Variants in OLA1 observed in about 807,000 individuals in gnomAD.
The protein encoded by OLA1 is obg-like ATPase 1.
In OLA1, 14 loss-of-function variants were observed where a neutral mutation model predicts 48.4. The ratio of observed to expected loss-of-function variants is 0.29; its 90% confidence interval spans 0.19 to 0.45. The LOEUF (loss-of-function observed/expected upper bound fraction) is 0.45. OLA1 is among the 20% of genes least tolerant of loss of function. OLA1 has a pLI of 1.00. For synonymous variants in OLA1, 127 were observed against 150.4 expected (o/e 0.84, Z 1.14); for missense variants, 325 against 467.1 (o/e 0.70, Z 2.80).
intron 5 of OLA1, among the ~76,000 whole-genome samples, chr2:174,133,117 G>A (rs1021293951): frequency 2.0e-5 from 3 of 151,966 alleles, no homozygotes; most frequent in Admixed American, 6.6e-5. Flanking sequence ...CTTTGATATC[G>A]TATACTACAC....
In OLA1 at chr2:174,142,378, A is replaced by AG. The variant is rs571901610; in HGVS notation, c.374-379dup. Among the ~76,000 whole-genome samples the AG allele has an allele frequency of 4.4e-3, 668 of 152,214 alleles. 2 individuals carry two copies. Among genetic ancestry groups the AG allele is most frequent in the African/African-American group, 0.015 (630 of 41,526 alleles). ...TTTCCAAGGGAAACCAGATTTAGGG[A>AG]GGGGGGGTCTGAAATCATCTGGCAG... On this transcript the variant is annotated intron_variant, in intron 4 of 10. Coordinates refer to ENST00000284719, the MANE Select transcript of OLA1 (RefSeq NM_013341.5).
chr2:174,229,199 A>C, intron 3 of OLA1, 109 bp downstream of exon 3: 1 of 1,183,208 alleles, frequency 8.5e-7, no homozygotes, highest in Non-Finnish European at 1.2e-6. Flanking sequence ...ATAATCACCC[A>C]AAACAATAAT....
chr2:174,082,743 C>T (rs1275197946), intron 7 of OLA1, among the ~76,000 whole-genome samples: 1 of 152,024 alleles, frequency 6.6e-6, no homozygotes, highest in Non-Finnish European at 1.5e-5. Flanking sequence ...TTTGGAAAGC[C>T]AAATCAGTTA....
chr2:174,247,231 G>A, intron 1 of OLA1: 1 of 166,106 alleles, frequency 6.0e-6, no homozygotes, highest in Non-Finnish European at 1.3e-5. Context: ...AAATTAGCCG[G>A]CCATCAGGCG....
intron 5 of OLA1, among the ~76,000 whole-genome samples, chr2:174,136,408 T>G (rs1686309819): frequency 6.6e-6 from 1 of 152,220 alleles, no homozygotes. Flanking sequence ...AGCAGTAGAT[T>G]CCATCTCAAG....
At chr2:174,100,198 A>G (rs1049160567) in intron 7 of OLA1, among the ~76,000 whole-genome samples, 1 of 152,250 alleles carries the variant, frequency 6.6e-6, no homozygotes, top group Admixed American at 6.5e-5. Context: ...CATTCATGGT[A>G]AATTGAGAAT....
chr2:174,114,390 T>C (rs1685733593), intron 7 of OLA1, among the ~76,000 whole-genome samples: 2 of 135,446 alleles, frequency 1.5e-5, no homozygotes. Context: ...TCAATTATAT[T>C]AAATGGAGGA....
chr2:174,127,606 TC>T (rs770861054), intron 5 of OLA1, among the ~76,000 whole-genome samples: 17 of 152,108 alleles, frequency 1.1e-4, no homozygotes, highest in Admixed American at 2.0e-4. Context: ...TACATAAAGT[TC>T]CGTTTATGTG....
chr2:174,189,207 T>G (rs951224078), intron 4 of OLA1, among the ~76,000 whole-genome samples: 2 of 151,940 alleles, frequency 1.3e-5, no homozygotes, highest in East Asian at 3.8e-4. Flanking sequence ...GGATTAGAGA[T>G]TTACAAAGAA....
intron 4 of OLA1, among the ~76,000 whole-genome samples, chr2:174,196,866 T>G (rs565397866): frequency 6.6e-6 from 1 of 152,306 alleles, no homozygotes; most frequent in African/African-American, 2.4e-5. Context: ...AAATATAATA[T>G]TCTCAACCTA....
intron 2 of OLA1, among the ~76,000 whole-genome samples, chr2:174,241,635 T>G (rs1435178244): frequency 6.6e-6 from 1 of 152,072 alleles, no homozygotes; most frequent in Non-Finnish European, 1.5e-5. Flanking sequence ...AGAGTAATCG[T>G]TTTTTGTTTT....
At chr2:174,195,995 AG>A (rs1194762745) in intron 4 of OLA1, among the ~76,000 whole-genome samples, 1 of 152,154 alleles carries the variant, frequency 6.6e-6, no homozygotes, top group African/African-American at 2.4e-5. Flanking sequence ...AATTATAACC[AG>A]GATTATTTAA....
chr2:174,246,977 A>G (rs1689139398), intron 1 of OLA1, 162 bp from the exon 2 acceptor site: 1 of 445,186 alleles, frequency 2.2e-6, no homozygotes. Flanking sequence ...CTTTTTTTTC[A>G]GCAAAAATGT....
chr2:174,162,492 T>C (rs1390725203), intron 4 of OLA1, among the ~76,000 whole-genome samples: 6 of 152,232 alleles, frequency 3.9e-5, no homozygotes, highest in African/African-American at 1.2e-4. Context: ...AATAACTGTA[T>C]GCTTATGTGT....
In OLA1 at chr2:174,073,465, G is replaced by T. The variant is rs1056200428; in HGVS notation, c.*1961C>A. ...ATATGTAACAGTTCTTGGAATTCTC[G>T]ACTTTCAGAGAAAATGAAATTTTGT... is the stretch of plus-strand genomic sequence containing the variant. On this transcript the variant is annotated 3_prime_UTR_variant, in exon 11 of 11. Transcript: ENST00000284719. 1 of 152,102 alleles carries T rather than the reference G, an allele frequency of 6.6e-6. No individual in the cohort carries two copies. The highest frequency in any genetic ancestry group is 1.5e-5 in the Non-Finnish European group (1 of 68,020). The allele number at this position is 152,102 out of a possible 1,614,324, so 9.4% of individuals were successfully genotyped here.
At chr2:174,222,181 A>G (rs1204129360) in intron 4 of OLA1, among the ~76,000 whole-genome samples, 1 of 152,206 alleles carries the variant, frequency 6.6e-6, no homozygotes, top group Non-Finnish European at 1.5e-5. Context: ...CAAACCACAG[A>G]GGTAAATGGT....
At chr2:174,101,167 T>C (rs1365963449) in intron 7 of OLA1, among the ~76,000 whole-genome samples, 1 of 152,218 alleles carries the variant, frequency 6.6e-6, no homozygotes, top group African/African-American at 2.4e-5. Context: ...TTTGTTCCCC[T>C]TCCTTATCCA....
rs182055036 is a variant in OLA1 at position 174,081,168 on chromosome 2, C to T, written c.950G>A (p.Arg317His). ...GAATCTTACCCTGATGGTCCATGCACGCACTTCATCTGGGCCTGCAGTGAA... is the reference window on the plus strand; with the variant it reads ...GAATCTTACCCTGATGGTCCATGCATGCACTTCATCTGGGCCTGCAGTGAA... ...YFFTAGPDEVRAWTIRKGTKA... is the reference protein window; with the variant it reads ...YFFTAGPDEVHAWTIRKGTKA... The change falls in exon 9 of 11, where the codon CGT (arginine) becomes CAT (histidine). Residue 317 changes from arginine to histidine, a missense_variant. Physicochemically the swap from Arg to His is conservative, Grantham distance 29 (BLOSUM62 0). Coordinates refer to ENST00000284719, the MANE Select transcript of OLA1 (RefSeq NM_013341.5). 2.4e-4 allele frequency: 386 copies of T among 1,611,500 alleles called. No individual in the cohort carries two copies. The highest frequency in any genetic ancestry group is 6.0e-4 in the East Asian group (27 of 44,856).
chr2:174,079,465 C>T (rs961461594), intron 9 of OLA1: 1 of 154,980 alleles, frequency 6.5e-6, no homozygotes, highest in Admixed American at 6.5e-5. Context: ...ATAAAAAGCT[C>T]TCAAAATTTC....
Sources: gnomAD v4.1 joint callset for allele counts (sites outside exome capture counted in the v4.1 genomes callset) on GRCh38, gnomAD v4.1.1 for gene constraint, MANE v1.5 for transcripts, NCBI Gene and HGNC (gene_info 2026-07-23, HGNC 2026-07-21) for gene names.